The following FIRRM variants were observed in gnomAD, a reference collection of about 807,000 sequenced individuals.
The protein encoded by FIRRM is FIGNL1-interacting regulator of recombination and mitosis.
the FIRRM span, chr1:169,795,285 C>G: frequency 2.0e-6 from 3 of 1,473,394 alleles, no homozygotes; most frequent in Non-Finnish European, 2.7e-6. Flanking sequence ...TCTTCTGTCC[C>G]TTCAGACCCA....
chr1:169,829,534 T>G, the FIRRM span: 1 of 1,286,206 alleles, frequency 7.8e-7, no homozygotes, highest in Non-Finnish European at 1.1e-6. Flanking sequence ...CAGAAGAAAA[T>G]GTGGGAATAC....
chr1:169,853,620 TG>T, the FIRRM span: 1 of 1,347,890 alleles, frequency 7.4e-7, no homozygotes, highest in South Asian at 1.2e-5. Context: ...CAGGCCACTT[TG>T]GGGTTTTCTT....
the FIRRM span, chr1:169,853,058 A>C: frequency 6.8e-7 from 1 of 1,480,738 alleles, no homozygotes; most frequent in South Asian, 1.2e-5. Context: ...ACATTTTCTA[A>C]CAGATATAAA....
the FIRRM span, among the ~76,000 whole-genome samples, chr1:169,835,966 G>T: frequency 2.0e-5 from 3 of 151,798 alleles, no homozygotes; most frequent in African/African-American, 7.3e-5. Context: ...TTTCTAGCTT[G>T]CATTGACTGG....
chr1:169,790,959 C>T, the FIRRM span, among the ~76,000 whole-genome samples: 12 of 152,204 alleles, frequency 7.9e-5, no homozygotes, highest in African/African-American at 2.2e-4. Context: ...GAAACTGTTC[C>T]ACCTCAGATC....
At chr1:169,803,278 A>C in the FIRRM span, 3 of 1,613,904 alleles carry the variant, frequency 1.9e-6, no homozygotes, top group Non-Finnish European at 2.5e-6. Context: ...TCAGTCCTTC[A>C]TATAATTAAA....
the FIRRM span, chr1:169,804,286 A>C: frequency 1.6e-5 from 20 of 1,248,308 alleles, no homozygotes; most frequent in Non-Finnish European, 2.1e-5. Context: ...ACTATAAATC[A>C]TGTATCAATT....
At chr1:169,825,617 T>C in the FIRRM span, among the ~76,000 whole-genome samples, 2 of 152,240 alleles carry the variant, frequency 1.3e-5, no homozygotes, top group Non-Finnish European at 2.9e-5. Flanking sequence ...TTACTATGTT[T>C]TATTTGTATA....
the FIRRM span, among the ~76,000 whole-genome samples, chr1:169,819,938 C>G: frequency 6.6e-6 from 1 of 152,180 alleles, no homozygotes; most frequent in Admixed American, 6.5e-5. Context: ...AACTCCAGCA[C>G]TAGGCAATTT....
chr1:169,823,540 C>T, the FIRRM span: 2 of 854,886 alleles, frequency 2.3e-6, no homozygotes, highest in Non-Finnish European at 3.6e-6. Flanking sequence ...GCTTAAGTAC[C>T]TACCATTTTA....
the FIRRM span, chr1:169,800,874 G>T: frequency 7.0e-7 from 1 of 1,430,208 alleles, no homozygotes; most frequent in Non-Finnish European, 9.8e-7. Flanking sequence ...TTTGTTATTT[G>T]CTTTACAGAA....
At chr1:169,841,773 A>G in the FIRRM span, among the ~76,000 whole-genome samples, 2 of 152,292 alleles carry the variant, frequency 1.3e-5, no homozygotes, top group East Asian at 3.9e-4. Context: ...CTTTTTGTTG[A>G]TGTATATTAT....
the FIRRM span, among the ~76,000 whole-genome samples, chr1:169,845,032 T>TA: frequency 6.6e-5 from 10 of 152,202 alleles, no homozygotes; most frequent in Non-Finnish European, 8.8e-5. Flanking sequence ...TTTGGCCTGT[T>TA]AGAGAAAAAG....
At chr1:169,827,483 C>T in the FIRRM span, among the ~76,000 whole-genome samples, 1 of 152,036 alleles carries the variant, frequency 6.6e-6, no homozygotes, top group East Asian at 1.9e-4. Flanking sequence ...ACTAAAAATA[C>T]AAAAATTAGC....
At chr1:169,800,092 C>T in the FIRRM span, among the ~76,000 whole-genome samples, 42 of 152,086 alleles carry the variant, frequency 2.8e-4, 1 homozygote, top group South Asian at 7.7e-3. Context: ...TGTAGTGGTG[C>T]GAACATAGCT....
At chr1:169,796,033 A>G in the FIRRM span, 2 of 916,552 alleles carry the variant, frequency 2.2e-6, no homozygotes, top group South Asian at 5.0e-5. Flanking sequence ...GCCCAGCTTT[A>G]TACAATTACA....
At chr1:169,804,217 A>G in the FIRRM span, 1 of 1,565,778 alleles carries the variant, frequency 6.4e-7, no homozygotes, top group Non-Finnish European at 8.6e-7. Context: ...GATGACAATG[A>G]TGATATTTTG....
the FIRRM span, among the ~76,000 whole-genome samples, chr1:169,787,615 C>G: frequency 6.6e-6 from 1 of 152,202 alleles, no homozygotes; most frequent in Non-Finnish European, 1.5e-5. Flanking sequence ...ACTGCAAAAT[C>G]CCATTGCCAT....
At chr1:169,800,971 G>A in the FIRRM span, 6 of 1,503,126 alleles carry the variant, frequency 4.0e-6, no homozygotes, top group Admixed American at 1.1e-4. Flanking sequence ...TGTTACCAAA[G>A]GTATAATACT....
Sources: allele counts gnomAD v4.1 joint callset (sites outside exome capture counted in the v4.1 genomes callset), GRCh38; gene constraint gnomAD v4.1.1; transcripts MANE v1.5; gene names NCBI Gene and HGNC (gene_info 2026-07-23, HGNC 2026-07-21).